The following KIF26B variants were observed in gnomAD, a reference collection of about 807,000 sequenced individuals.
KIF26B encodes the protein kinesin family member 26B.
Under a neutral mutation model 151.2 loss-of-function variants are expected in KIF26B, and 63 were observed. That is an observed-to-expected ratio of 0.42 (90% CI 0.34 to 0.51). The LOEUF (loss-of-function observed/expected upper bound fraction) is 0.51, where lower values mean the gene tolerates loss of function less well. Among genes scored for constraint, KIF26B ranks in the 20% least tolerant of loss-of-function variants. The probability of loss-of-function intolerance (pLI) is 0.07; values close to 1 mark genes in which losing one functional copy is unlikely to be tolerated. For synonymous variants in KIF26B, 1,357 were observed against 1,262.1 expected (o/e 1.08, Z -1.59); for missense variants, 2,813 against 2,913.6 (o/e 0.97, Z 0.79).
At chr1:245,366,752 G>T in intron 2 of KIF26B, 82 bp from the exon 3 acceptor site, 1 of 1,392,462 alleles carries the variant, frequency 7.2e-7, no homozygotes, top group South Asian at 1.3e-5. Context: ...TCTCGGGTTT[G>T]ACTGGTAAGC....
chr1:245,686,529 G>A lies in KIF26B; in HGVS notation c.3546G>A (p.Leu1182=), dbSNP rs1572203657. 4 of 1,612,982 alleles carry A rather than the reference G, an allele frequency of 2.5e-6. No individual in the cohort carries two copies. Among genetic ancestry groups the A allele is most frequent in the Non-Finnish European group, 3.4e-6 (4 of 1,179,784 alleles). Residue 1182 remains leucine, a synonymous_variant, in exon 12 of 15, where the codon CTG becomes CTA. Coordinates refer to ENST00000407071, the MANE Select transcript of KIF26B (RefSeq NM_018012.4). The surrounding 1 kb of genome is among the most constrained non-coding windows in gnomAD (Gnocchi z 5.6). ...TGACGGTGCAGCAGCCACTGGAGCT[G>A]AACGGTGAGGACGAGCTGGTGTTCA... ...TMVTVQQPLE[L]NGEDELVFTL...
Position 245,602,727 on chromosome 1 carries a change from C to G in KIF26B, c.1501C>G (p.Gln501Glu), listed in dbSNP as rs1490451180. 3 of 1,614,046 alleles carry G rather than the reference C, an allele frequency of 1.9e-6. No homozygotes were observed. In the South Asian group the frequency reaches 3.3e-5, roughly 18 times the overall value. The change falls in exon 6 of 15, where the codon CAG (glutamine) becomes GAG (glutamate). Residue 501 changes from glutamine (Q) to glutamate (E), a missense_variant. Physicochemically the swap from Gln to Glu is conservative, Grantham distance 29 (BLOSUM62 2). This residue lies in a region of KIF26B where 676 missense variants were observed against 688.1 expected (regional missense o/e 0.98). Coordinates refer to ENST00000407071, the MANE Select transcript of KIF26B (RefSeq NM_018012.4). This position sits in a 1 kb window ranked among gnomAD's most constrained non-coding sequence, Gnocchi z 4.5. ...AAATGCCTTCCAAAAGAGAGGCAAC[C>G]AGGTTCCTCCAAAGATGTTTGCCTT... ...GQNAFQKRGN[Q>E]VPPKMFAFDA... is the part of the protein sequence containing the mutation.
chr1:245,316,926 T>G (rs1014311002), intron 2 of KIF26B, among the ~76,000 whole-genome samples: 4 of 152,156 alleles, frequency 2.6e-5, no homozygotes, highest in Non-Finnish European at 5.9e-5. Context: ...GCCTGGGCTG[T>G]CCAGCCCGGG....
intron 2 of KIF26B, among the ~76,000 whole-genome samples, chr1:245,330,474 G>C (rs1232129776): frequency 6.2e-5 from 1 of 16,252 alleles, no homozygotes; most frequent in East Asian, 8.2e-4. Flanking sequence ...GGGAGGACTA[G>C]GGAAAGTGGA....
chr1:245,501,305 T>C (rs1436820692), intron 4 of KIF26B, among the ~76,000 whole-genome samples: 1 of 152,240 alleles, frequency 6.6e-6, no homozygotes, highest in Non-Finnish European at 1.5e-5. Flanking sequence ...AGGATAATAG[T>C]GTTGCGGATG....
intron 3 of KIF26B, among the ~76,000 whole-genome samples, chr1:245,388,692 C>T (rs1673612633): frequency 6.6e-6 from 1 of 152,134 alleles, no homozygotes; most frequent in African/African-American, 2.4e-5. Flanking sequence ...AGCCCTTCTC[C>T]CATAGCCCTT....
intron 3 of KIF26B, among the ~76,000 whole-genome samples, chr1:245,384,513 CT>C (rs1673494506): frequency 6.6e-6 from 1 of 152,214 alleles, no homozygotes. Flanking sequence ...TCTCAAACTC[CT>C]GGGCTCAAGT....
At chr1:245,690,745 G>A (rs6700599) in intron 12 of KIF26B, among the ~76,000 whole-genome samples, 2 of 150,888 alleles carry the variant, frequency 1.3e-5, no homozygotes, top group Non-Finnish European at 3.0e-5. Context: ...TTGCCTGGGG[G>A]GGGGGTATGC....
intron 5 of KIF26B, among the ~76,000 whole-genome samples, chr1:245,569,975 G>A (rs1467138173): frequency 3.7e-5 from 4 of 107,776 alleles, no homozygotes; most frequent in East Asian, 3.2e-4. Context: ...TTGCTCTGTC[G>A]CCCAGGCTGG....
intron 2 of KIF26B, among the ~76,000 whole-genome samples, chr1:245,321,471 A>T (rs1385933283): frequency 2.0e-5 from 3 of 152,226 alleles, no homozygotes; most frequent in African/African-American, 7.2e-5. Flanking sequence ...TCCTTGCTGA[A>T]TATAACAAAT....
rs866539771 is a variant in KIF26B at position 245,426,851 on chromosome 1, C to T, written c.1166+7106C>T. 6.6e-5 allele frequency among the ~76,000 whole-genome samples: 10 copies of T among 152,330 alleles called. No individual in the cohort carries two copies. In the Middle Eastern group the frequency reaches 0.014, roughly 207 times the overall value. On this transcript the variant is annotated intron_variant, in intron 4 of 14. Coordinates refer to ENST00000407071, the MANE Select transcript of KIF26B (RefSeq NM_018012.4). ...ACTGGTCTGATGACCATTATTGCCGCACTCTCGCTGAGAAGCAACTCAGAT... is the reference window on the plus strand; with the variant it reads ...ACTGGTCTGATGACCATTATTGCCGTACTCTCGCTGAGAAGCAACTCAGAT...
intron 2 of KIF26B, among the ~76,000 whole-genome samples, chr1:245,195,043 T>C (rs1284847644): frequency 6.6e-6 from 1 of 152,220 alleles, no homozygotes; most frequent in African/African-American, 2.4e-5. Flanking sequence ...TCAATCATTG[T>C]TACTTTTTAT....
intron 3 of KIF26B, among the ~76,000 whole-genome samples, chr1:245,395,337 A>G (rs1673807632): frequency 2.0e-5 from 3 of 152,084 alleles, no homozygotes; most frequent in African/African-American, 7.2e-5. Flanking sequence ...TTCTTATATA[A>G]TCTATTCTTT....
At chr1:245,326,847 T>C (rs80141766) in intron 2 of KIF26B, among the ~76,000 whole-genome samples, 8,426 of 152,350 alleles carry the variant, frequency 0.055, 277 homozygotes, top group African/African-American at 0.082. Flanking sequence ...CCAAGTCATC[T>C]GGCCAGTCCA....
intron 2 of KIF26B, among the ~76,000 whole-genome samples, chr1:245,205,546 C>T (rs2103540342): frequency 6.6e-6 from 1 of 152,264 alleles, no homozygotes; most frequent in Admixed American, 6.5e-5. Flanking sequence ...ACAATAATTA[C>T]ACAATTGCTA....
chr1:245,261,500 T>C lies in KIF26B; in HGVS notation c.465+104817T>C, dbSNP rs76484720. On this transcript the variant is annotated intron_variant, in intron 2 of 14. Coordinates refer to ENST00000407071, the MANE Select transcript of KIF26B (RefSeq NM_018012.4). ...CTCTCTCTCTCTCTCTCTCTCTCTC[T>C]CTCCCTCCCTCCCTCCCTCCCTCTC... 9.7e-3 allele frequency among the ~76,000 whole-genome samples: 598 copies of C among 61,610 alleles called. 5 individuals carry two copies. The highest frequency in any genetic ancestry group is 0.034 in the African/African-American group (490 of 14,450). 40.4% of individuals were successfully genotyped at this position (61,610 alleles called of 152,430 possible). A position where few individuals can be genotyped will look rare whatever the true frequency, so the allele number is the denominator to read the frequency against.
intron 2 of KIF26B, among the ~76,000 whole-genome samples, chr1:245,204,957 A>G (rs1669371158): frequency 6.6e-6 from 1 of 150,518 alleles, no homozygotes; most frequent in African/African-American, 2.4e-5. Flanking sequence ...ATTTTTAACA[A>G]TTTCTTTTTG....
chr1:245,160,926 G>T (rs1172100048), intron 2 of KIF26B, among the ~76,000 whole-genome samples: 1 of 152,108 alleles, frequency 6.6e-6, no homozygotes, highest in East Asian at 1.9e-4. Context: ...TCCAAAAGAG[G>T]GGTATGGAAA....
intron 2 of KIF26B, among the ~76,000 whole-genome samples, chr1:245,190,612 A>C (rs1573698548): frequency 6.9e-6 from 1 of 144,166 alleles, no homozygotes. Context: ...ATCTTTTCCT[A>C]TAAGTTTTCC....
Sources: gnomAD v4.1 joint callset for allele counts (sites outside exome capture counted in the v4.1 genomes callset) on GRCh38, gnomAD v4.1.1 for gene constraint, gnomAD v4.1.1 regional missense constraint, Gnocchi (gnomAD v3.1) non-coding constraint, MANE v1.5 for transcripts, NCBI Gene and HGNC (gene_info 2026-07-23, HGNC 2026-07-21) for gene names.